RGS12: variants seen among roughly 807,000 people sequenced by gnomAD.
The protein encoded by RGS12 is regulator of G-protein signaling 12.
A neutral mutation model predicts 120.1 loss-of-function variants in RGS12; 66 were observed. The ratio of observed to expected loss-of-function variants is 0.55; its 90% CI spans 0.45 to 0.67. The LOEUF (loss-of-function observed/expected upper bound fraction) is 0.67. Among genes scored for constraint, RGS12 ranks in the 30% least tolerant of loss-of-function variants. The probability of loss-of-function intolerance (pLI) is 0.00; values close to 1 mark genes in which losing one functional copy is unlikely to be tolerated. For synonymous variants in RGS12, 827 were observed against 804.7 expected (o/e 1.03, Z -0.47); for missense variants, 1,859 against 1,957.7 (o/e 0.95, Z 0.95).
At chr4:3,420,749 C>T in intron 10 of RGS12, 31 bp downstream of exon 10, 1 of 1,575,058 alleles carries the variant, frequency 6.3e-7, no homozygotes. Context: ...GTCCCACAGG[C>T]CTCAGGGGTG....
rs1296228388 is a variant in RGS12 at position 3,317,082 on chromosome 4, G to A, written c.912G>A (p.Val304=). The A allele has an allele frequency of 6.2e-7, 1 of 1,613,648 alleles. No homozygotes were observed. Among genetic ancestry groups the A allele is most frequent in the Non-Finnish European group, 8.5e-7 (1 of 1,180,058 alleles). The part of the protein sequence containing the change: ...YPAEKLAFSA[V]CPDDRRFFGL... ...CCGAGAAGCTGGCCTTCAGCGCCGT[G>A]TGCCCGGACGACCGGCGATTTTTCG... Residue 304 remains valine, a synonymous_variant, in exon 2 of 18, where the codon GTG becomes GTA. Coordinates refer to ENST00000336727, the MANE Select transcript of RGS12 (RefSeq NM_001394154.1).
chr4:3,296,238 G>A (rs888297779), intron 1 of RGS12, among the ~76,000 whole-genome samples: 17 of 152,122 alleles, frequency 1.1e-4, no homozygotes, highest in Non-Finnish European at 7.3e-5. Flanking sequence ...GGTGGAGTGC[G>A]GTGGCACAAT....
At chr4:3,415,412 G>T (rs1345057454) in intron 6 of RGS12, among the ~76,000 whole-genome samples, 1 of 152,216 alleles carries the variant, frequency 6.6e-6, no homozygotes. Context: ...CAGCAGATGG[G>T]GTGTCTTTCA....
rs111680504 is a variant in RGS12, at chr4:3,316,216, T to G, written c.46T>G (p.Ser16Ala). ...CTCCAAACGCCCATTGCCTGGGCCG[T>G]CGCCCCCAAGGGTGCGGAGTGTGGA... ...EASKRPLPGP[S>A]PPRVRSVEVA... Residue 16 changes from serine to alanine, a missense_variant, in exon 2 of 18, where the codon TCG becomes GCG. By Grantham distance (99) the Ser-to-Ala change is moderately conservative. This residue lies in a region of RGS12 where 967 missense variants were observed against 994.2 expected (regional missense o/e 0.97). Transcript: ENST00000336727. 0.011 allele frequency: 17,280 copies of G among 1,598,124 alleles called. 663 individuals carry two copies. The African/African-American group carries it at 0.13, about 12-fold the overall frequency.
At chr4:3,309,879 G>A (rs1210487187) in intron 1 of RGS12, among the ~76,000 whole-genome samples, 1 of 135,936 alleles carries the variant, frequency 7.4e-6, no homozygotes, top group Non-Finnish European at 1.6e-5. Flanking sequence ...TCCGGGAATG[G>A]CAGGTGTCCG....
intron 3 of RGS12, 33 bp from the exon 4 acceptor site, chr4:3,386,383 A>G (rs747523961): frequency 6.2e-7 from 1 of 1,606,226 alleles, no homozygotes. Context: ...CATGAGGCTT[A>G]ATTAACTCAT....
chr4:3,376,090 A>G (rs868031423), intron 3 of RGS12, among the ~76,000 whole-genome samples: 10 of 152,236 alleles, frequency 6.6e-5, no homozygotes, highest in Non-Finnish European at 1.5e-4. Flanking sequence ...CCAGGAGGAC[A>G]CTACTTTGGG....
chr4:3,302,478 G>A (rs1316251069), intron 1 of RGS12, among the ~76,000 whole-genome samples: 1 of 152,238 alleles, frequency 6.6e-6, no homozygotes, highest in African/African-American at 2.4e-5. Flanking sequence ...ACGTTGTGTG[G>A]CCTTCAAAAC....
rs770168737 is a variant in RGS12, at chr4:3,417,435, G to A, written c.2655G>A (p.Gly885=). The part of the protein sequence containing the change: ...KSGRSLNEEL[G]DEDSEKKRKG... ...GCCGATCCCTGAATGAAGAGCTGGG[G>A]GATGAGGACAGCGAGAAGAAGCGGA... Residue 885 remains glycine, a synonymous_variant, in exon 9 of 18, where the codon GGG becomes GGA. Coordinates refer to ENST00000336727, the MANE Select transcript of RGS12 (RefSeq NM_001394154.1). 2 of 1,604,258 alleles carry A rather than the reference G, an allele frequency of 1.2e-6. No homozygotes were observed. The highest frequency in any genetic ancestry group is 1.1e-5 in the South Asian group (1 of 90,732).
chr4:3,286,347 C>G, the RGS12 span, among the ~76,000 whole-genome samples: 5 of 152,232 alleles, frequency 3.3e-5, no homozygotes, highest in African/African-American at 1.2e-4. Context: ...TTCCCCATTA[C>G]TGCGTATGCG....
Position 3,430,761 on chromosome 4 carries a change from C to T in RGS12, c.3920C>T (p.Ser1307Phe). ...GPFCTPQSPVSLAQEGTAQIW... is the reference protein window; with the variant it reads ...GPFCTPQSPVFLAQEGTAQIW... ...TTCTGCACTCCCCAGTCCCCCGTCT[C>T]CCTCGCGCAGGAGGGCACCGCCCAG... is the stretch of plus-strand genomic sequence containing the variant. The change falls in exon 17 of 18, where the codon TCC becomes TTC. Residue 1307 changes from serine (S) to phenylalanine (F), a missense_variant. Physicochemically the swap from Ser to Phe is radical, Grantham distance 155 (BLOSUM62 -2). This residue lies in a region of RGS12 where 517 missense variants were observed against 488.5 expected (regional missense o/e 1.06). Coordinates refer to ENST00000336727, the MANE Select transcript of RGS12 (RefSeq NM_001394154.1). 1 of 1,609,834 alleles carries T rather than the reference C, an allele frequency of 6.2e-7. No individual in the cohort carries two copies. Among genetic ancestry groups the T allele is most frequent in the Non-Finnish European group, 8.5e-7 (1 of 1,178,246 alleles).
In RGS12 at chr4:3,439,638, A is replaced by G; in HGVS notation, c.4298A>G (p.Glu1433Gly). 1 of 1,585,996 alleles carries G rather than the reference A, an allele frequency of 6.3e-7. No homozygotes were observed. The highest frequency in any genetic ancestry group is 8.6e-7 in the Non-Finnish European group (1 of 1,166,368). Residue 1433 changes from glutamate to glycine, a missense_variant, in exon 18 of 18, where the codon GAG becomes GGG. Physicochemically the swap from Glu to Gly is moderately conservative, Grantham distance 98. Transcript: ENST00000336727. ...DLPGLGPVPG[E>G]PAKPKTSAHH... ...CCTGGCTTGGGCCCCGTCCCGGGTGAGCCTGCTAAGCCCAAGACCAGCGCT... is the reference window on the plus strand; with the variant it reads ...CCTGGCTTGGGCCCCGTCCCGGGTGGGCCTGCTAAGCCCAAGACCAGCGCT...
Position 3,317,526 on chromosome 4 carries a change from C to A in RGS12, c.1356C>A (p.Pro452=). Residue 452 remains proline (P), a synonymous_variant, in exon 2 of 18, where the codon CCC becomes CCA. Coordinates refer to ENST00000336727, the MANE Select transcript of RGS12 (RefSeq NM_001394154.1). ...GTGGGAGCTCGAGCAGACACGGCCC[C>A]GGAGGCAGCGCGTGGGACGGTGTGG... ...DLGGSSSRHG[P]GGSAWDGVGG... is the part of the protein sequence containing the mutation. 1 of 1,611,668 alleles carries A rather than the reference C, an allele frequency of 6.2e-7. No homozygotes were observed. Among genetic ancestry groups the A allele is most frequent in the South Asian group, 1.1e-5 (1 of 91,052 alleles).
intron 3 of RGS12, among the ~76,000 whole-genome samples, chr4:3,353,099 C>T (rs192565488): frequency 1.3e-5 from 2 of 152,364 alleles, no homozygotes; most frequent in East Asian, 1.9e-4. Flanking sequence ...GCTTCTTGCT[C>T]ATCTGCTCCA....
At chr4:3,301,081 A>G (rs1330100778) in intron 1 of RGS12, among the ~76,000 whole-genome samples, 1 of 148,700 alleles carries the variant, frequency 6.7e-6, no homozygotes, top group African/African-American at 2.5e-5. Context: ...CCTCTGTAAC[A>G]CGGGGTCTGT....
At chr4:3,398,061 A>G (rs1000251761) in intron 4 of RGS12, among the ~76,000 whole-genome samples, 2 of 152,248 alleles carry the variant, frequency 1.3e-5, no homozygotes, top group African/African-American at 2.4e-5. Context: ...CAGGAAGTAA[A>G]TGATTTAATA....
At position 3,374,064 on chromosome 4, in the gene RGS12, G is replaced by A. The variant is rs769100563; in HGVS notation, c.1999-12352G>A. On this transcript the variant is annotated intron_variant, in intron 3 of 17. Transcript: ENST00000336727. The surrounding 1 kb of genome is among the most constrained non-coding windows in gnomAD (Gnocchi z 6.3). ...GAGGAAGGCAGCGAGCCCGCTTGGC[G>A]AGGCCCTTGAGCACTCAGCACCTTC... Among the ~76,000 whole-genome samples the A allele has an allele frequency of 6.6e-6, 1 of 152,178 alleles. No homozygotes were observed. Among genetic ancestry groups the A allele is most frequent in the African/African-American group, 2.4e-5 (1 of 41,442 alleles).
intron 2 of RGS12, among the ~76,000 whole-genome samples, chr4:3,335,760 C>T (rs920220609): frequency 6.6e-6 from 1 of 152,054 alleles, no homozygotes; most frequent in Non-Finnish European, 1.5e-5. Flanking sequence ...GCGCTCCAGC[C>T]TGGGAGATAG....
chr4:3,291,122 T>C (rs142506849), upstream of RGS12, among the ~76,000 whole-genome samples: 262 of 152,208 alleles, frequency 1.7e-3, 1 homozygote, highest in South Asian at 3.1e-3. Flanking sequence ...CGGGCAAGTG[T>C]AGAGGAAAAA....
Sources: allele counts gnomAD v4.1 joint callset (sites outside exome capture counted in the v4.1 genomes callset), GRCh38; gene constraint gnomAD v4.1.1; regional missense constraint gnomAD v4.1.1; non-coding constraint Gnocchi (gnomAD v3.1); transcripts MANE v1.5; gene names NCBI Gene and HGNC (gene_info 2026-07-23, HGNC 2026-07-21).